The following ZMYM2 variants were observed in gnomAD, a reference collection of about 807,000 sequenced individuals.
The protein encoded by ZMYM2 is zinc finger MYM-type containing 2.
ZMYM2 carries 56 observed loss-of-function variants against 162.8 expected under a neutral mutation model. The ratio of observed to expected loss-of-function variants is 0.34; its 90% CI spans 0.28 to 0.43. ZMYM2 has a LOEUF of 0.43. Ranked by LOEUF, ZMYM2 falls within the 20% of genes least tolerant of loss-of-function variation. The probability of loss-of-function intolerance (pLI) is 1.00; values close to 1 mark genes in which losing one functional copy is unlikely to be tolerated. For synonymous variants in ZMYM2, 510 were observed against 541.6 expected (o/e 0.94, Z 0.81); for missense variants, 1,275 against 1,621.8 (o/e 0.79, Z 3.67).
At chr13:19,952,518 C>T in the ZMYM2 span, among the ~76,000 whole-genome samples, 5 of 152,092 alleles carry the variant, frequency 3.3e-5, no homozygotes, top group Middle Eastern at 3.4e-3. Context: ...AATTTTTTGC[C>T]AATTAAAATA....
chr13:20,057,556 T>C (rs1274512825), intron 14 of ZMYM2, among the ~76,000 whole-genome samples: 3 of 152,344 alleles, frequency 2.0e-5, no homozygotes, highest in African/African-American at 4.8e-5. Flanking sequence ...TACTGTACAA[T>C]ATGTGTGGAG....
rs534754131 is a variant in ZMYM2, at chr13:19,977,130, A to T, written c.-10-15933A>T. On this transcript the variant is annotated intron_variant, in intron 2 of 24. Coordinates refer to ENST00000610343, the MANE Select transcript of ZMYM2 (RefSeq NM_197968.4). Reference sequence around the variant, plus strand: ...AATATTTGCATATATTAGGTTTTCTATCCTAACAGAAAATAGTACTCAGCT... The same window carrying T: ...AATATTTGCATATATTAGGTTTTCTTTCCTAACAGAAAATAGTACTCAGCT... 8.4e-4 allele frequency among the ~76,000 whole-genome samples: 128 copies of T among 152,276 alleles called. 1 individual carries two copies. The highest frequency in any genetic ancestry group is 1.0e-3 in the Non-Finnish European group (70 of 68,010).
chr13:19,997,210 A>G (rs749182278), intron 3 of ZMYM2, among the ~76,000 whole-genome samples: 2 of 152,160 alleles, frequency 1.3e-5, no homozygotes, highest in Non-Finnish European at 2.9e-5. Context: ...ATAAGTTTTA[A>G]TGGCTACACA....
chr13:20,051,300 A>T (rs199552684), intron 12 of ZMYM2, 133 bp from the exon 13 acceptor site: 1 of 768,876 alleles, frequency 1.3e-6, no homozygotes, highest in African/African-American at 1.8e-5. Context: ...ACTGTTTACA[A>T]ATGATTTATA....
chr13:20,018,411 A>G (rs1371006394), intron 6 of ZMYM2, among the ~76,000 whole-genome samples: 1 of 152,224 alleles, frequency 6.6e-6, no homozygotes, highest in Non-Finnish European at 1.5e-5. Context: ...AGACAACTAC[A>G]TGAGATGCTA....
At chr13:19,970,591 ACCCCAAACC>A in intron 2 of ZMYM2, among the ~76,000 whole-genome samples, 1 of 122,362 alleles carries the variant, frequency 8.2e-6, no homozygotes, top group East Asian at 2.5e-4. Flanking sequence ...GAGTGAAAAA[ACCCCAAACC>A]AAAAAAAAAA....
At chr13:20,042,572 C>T (rs1327697748) in intron 12 of ZMYM2, among the ~76,000 whole-genome samples, 1 of 152,064 alleles carries the variant, frequency 6.6e-6, no homozygotes, top group Non-Finnish European at 1.5e-5. Flanking sequence ...TGATTCAGAA[C>T]CCTTACTGGA....
intron 2 of ZMYM2, among the ~76,000 whole-genome samples, chr13:19,962,281 T>C (rs1490564591): frequency 2.6e-5 from 4 of 151,974 alleles, no homozygotes; most frequent in Non-Finnish European, 5.9e-5. Flanking sequence ...AAAGTGAATC[T>C]TTACCTTCAG....
rs1955014198 is a variant in ZMYM2, at chr13:19,959,993, C to T, written c.-44C>T. 6.6e-6 allele frequency: 1 copy of T among 152,328 alleles called. No individual in the cohort carries two copies. Among genetic ancestry groups the T allele is most frequent in the Admixed American group, 6.5e-5 (1 of 15,282 alleles). 9.4% of individuals were successfully genotyped at this position (152,328 alleles called of 1,614,324 possible). A position where few individuals can be genotyped will look rare whatever the true frequency, so the allele number is the denominator to read the frequency against. ...CGCCTTCAGCCCTGTCTGGTGCATC[C>T]TTGGCAGAAAGTGAGGAGGAAAACA... On this transcript the variant is annotated 5_prime_UTR_variant, in exon 2 of 25. Coordinates refer to ENST00000610343, the MANE Select transcript of ZMYM2 (RefSeq NM_197968.4).
the ZMYM2 span, among the ~76,000 whole-genome samples, chr13:19,904,505 C>T: frequency 4.5e-4 from 68 of 152,220 alleles, no homozygotes; most frequent in African/African-American, 1.4e-3. Flanking sequence ...TTGCTGTGAG[C>T]TGAGATGGCG....
chr13:20,031,883 C>CT (rs1953190859), intron 10 of ZMYM2, among the ~76,000 whole-genome samples: 5 of 81,274 alleles, frequency 6.2e-5, no homozygotes, highest in African/African-American at 2.3e-4. Context: ...TTTTTTTTTT[C>CT]TTTTTTTCTC....
At chr13:20,033,266 A>G (rs1396788536) in intron 10 of ZMYM2, among the ~76,000 whole-genome samples, 2 of 151,888 alleles carry the variant, frequency 1.3e-5, no homozygotes, top group East Asian at 3.9e-4. Flanking sequence ...CATTTATGTC[A>G]ATGCTACTCC....
At chr13:19,931,608 A>G in the ZMYM2 span, among the ~76,000 whole-genome samples, 1 of 152,056 alleles carries the variant, frequency 6.6e-6, no homozygotes, top group Non-Finnish European at 1.5e-5. Context: ...TCACTTAGCA[A>G]TATGCACCAA....
At position 19,994,592 on chromosome 13, in the gene ZMYM2, C is replaced by T. The variant is rs1309541989; in HGVS notation, c.847+673C>T. Among the ~76,000 whole-genome samples the T allele has an allele frequency of 5.3e-5, 8 of 151,904 alleles. No homozygotes were observed. The East Asian group carries it at 1.4e-3, about 26-fold the overall frequency. On this transcript the variant is annotated intron_variant, in intron 3 of 24. Coordinates refer to ENST00000610343, the MANE Select transcript of ZMYM2 (RefSeq NM_197968.4). Reference sequence around the variant, plus strand: ...GCAATCTCCGCCTCCTGTGTTCAAGCGATTCTCCTCCCTCAGCCTTTCAAG... The same window carrying T: ...GCAATCTCCGCCTCCTGTGTTCAAGTGATTCTCCTCCCTCAGCCTTTCAAG...
At chr13:19,982,518 C>T (rs1016007541) in intron 2 of ZMYM2, among the ~76,000 whole-genome samples, 1 of 151,954 alleles carries the variant, frequency 6.6e-6, no homozygotes, top group Non-Finnish European at 1.5e-5. Flanking sequence ...GAACTCCTGA[C>T]CTGAAGTGAT....
intron 16 of ZMYM2, among the ~76,000 whole-genome samples, chr13:20,059,859 C>A (rs1026556240): frequency 6.6e-6 from 1 of 151,954 alleles, no homozygotes; most frequent in African/African-American, 2.4e-5. Context: ...CATGGTGACA[C>A]CCTGTCTCTA....
At chr13:19,906,077 A>G in the ZMYM2 span, among the ~76,000 whole-genome samples, 1 of 151,490 alleles carries the variant, frequency 6.6e-6, no homozygotes, top group African/African-American at 2.4e-5. Context: ...GGAGTTGGAG[A>G]CCAGCCTGAC....
intron 2 of ZMYM2, among the ~76,000 whole-genome samples, chr13:19,990,329 T>C (rs926596580): frequency 6.6e-6 from 1 of 152,236 alleles, no homozygotes; most frequent in African/African-American, 2.4e-5. Flanking sequence ...TCTCATTTTA[T>C]CCTCCTCTTT....
At chr13:19,904,538 A>G in the ZMYM2 span, among the ~76,000 whole-genome samples, 1 of 152,182 alleles carries the variant, frequency 6.6e-6, no homozygotes, top group African/African-American at 2.4e-5. Flanking sequence ...AGCCTGGGCA[A>G]CAAGAGTGAA....
Sources: allele counts gnomAD v4.1 joint callset (sites outside exome capture counted in the v4.1 genomes callset), GRCh38; gene constraint gnomAD v4.1.1; transcripts MANE v1.5; gene names NCBI Gene and HGNC (gene_info 2026-07-23, HGNC 2026-07-21).